Variants in PRPF8 observed in about 807,000 individuals in gnomAD.
PRPF8 encodes pre-mRNA-processing-splicing factor 8.
Under a neutral mutation model 285.9 loss-of-function variants are expected in PRPF8, and 64 were observed. The observed-to-expected ratio is 0.22, with a 90% CI of 0.18 to 0.28. The LOEUF is 0.28. Ranked by LOEUF, PRPF8 falls within the 10% of genes least tolerant of loss-of-function variation. PRPF8 has a pLI of 1.00. For missense variants in PRPF8, 1,426 were observed against 3,026.7 expected (o/e 0.47, Z 12.41); for synonymous variants, 1,325 against 1,118.2 (o/e 1.18, Z -3.69).
chr17:1,660,662 C>G, intron 29 of PRPF8, 36 bp downstream of exon 29: 1 of 1,614,220 alleles, frequency 6.2e-7, no homozygotes, highest in Non-Finnish European at 8.5e-7. Context: ...CAGCAACTGT[C>G]TTTAGCTTCC....
Position 1,659,482 on chromosome 17 carries a change from A to G in PRPF8, c.5013T>C (p.Tyr1671=), listed in dbSNP as rs1223882391. 7 of 1,614,080 alleles carry G rather than the reference A, an allele frequency of 4.3e-6. No homozygotes were observed. The South Asian group carries it at 7.7e-5, about 18-fold the overall frequency. The change falls in exon 32 of 43, where the codon TAT becomes TAC. Residue 1671 remains tyrosine, a synonymous_variant. Coordinates refer to ENST00000304992, the MANE Select transcript of PRPF8 (RefSeq NM_006445.4). The surrounding 1 kb of genome is among the most constrained non-coding windows in gnomAD (Gnocchi z 5.1). ...WIDIQLRWGD[Y]DSHDIERYAR... is the part of the protein sequence containing the mutation. ...CGTAGCGCTCAATGTCGTGGGAATC[A>G]TAGTCCCCCCAGCGCAACTGGATGT... is the stretch of plus-strand genomic sequence containing the variant.
chr17:1,654,799 AT>A (rs75058213), intron 37 of PRPF8: 943 of 151,534 alleles, frequency 6.2e-3, no homozygotes, highest in South Asian at 0.023. Flanking sequence ...CCTGTTTTAA[AT>A]TTTTTTTTTT....
intron 24 of PRPF8, among the ~76,000 whole-genome samples, chr17:1,668,791 G>T (rs1344579365): frequency 6.6e-6 from 1 of 152,008 alleles, no homozygotes; most frequent in African/African-American, 2.4e-5. Flanking sequence ...GAGTAGCTGG[G>T]TGATTCTGGG....
Position 1,676,844 on chromosome 17 carries a change from G to C in PRPF8, c.2181+132C>G, listed in dbSNP as rs1912625996. The stretch of plus-strand genomic sequence containing the variant: ...GCTTGAGGCCAGCCTAAGCAACATG[G>C]TGCTTCTTTTCCCTGTCTAAAAGGG... On this transcript the variant is annotated intron_variant, in intron 15 of 42. Transcript: ENST00000304992. This position sits in a 1 kb window ranked among gnomAD's most constrained non-coding sequence, Gnocchi z 6.3. 6.8e-7 allele frequency: 1 copy of C among 1,462,478 alleles called. No individual in the cohort carries two copies. The highest frequency in any genetic ancestry group is 1.4e-5 in the African/African-American group (1 of 72,038). The allele number at this position is 1,462,478 out of a possible 1,614,324, so 90.6% of individuals were successfully genotyped here.
rs766250199 is a variant in PRPF8 at position 1,679,296 on chromosome 17, C to T, written c.1404G>A (p.Lys468=). Residue 468 remains lysine, a synonymous_variant, in exon 10 of 43, where the codon AAG becomes AAA. Coordinates refer to ENST00000304992, the MANE Select transcript of PRPF8 (RefSeq NM_006445.4). The surrounding 1 kb of genome is among the most constrained non-coding windows in gnomAD (Gnocchi z 4.7). ...ALKHRPPKAQ[K]KRYLFRSFKA... is the part of the protein sequence containing the mutation. The stretch of plus-strand genomic sequence containing the variant: ...GGGCCCCTGGGGCACCTTACCTCTT[C>T]TTTTGAGCCTTAGGGGGCCGATGCT... 6.2e-7 allele frequency: 1 copy of T among 1,614,172 alleles called. No individual in the cohort carries two copies. The highest frequency in any genetic ancestry group is 1.1e-5 in the South Asian group (1 of 91,084).
At chr17:1,669,932 C>A (rs1203626403) in intron 24 of PRPF8, among the ~76,000 whole-genome samples, 1 of 152,132 alleles carries the variant, frequency 6.6e-6, no homozygotes, top group African/African-American at 2.4e-5. Flanking sequence ...TGTGGATAGG[C>A]TCCGAAATCT....
rs1912935564 is a variant in PRPF8 at position 1,681,694 on chromosome 17, G to C, written c.654-4C>G. On this transcript the variant is annotated splice_region_variant and splice_polypyrimidine_tract_variant and intron_variant, in intron 5 of 42. Transcript: ENST00000304992. ...GTAAGTGGAGCCATTTACATACCTA[G>C]GTAAAAAATGAAAGGCCCACCTCAA... 2 of 1,613,900 alleles carry C rather than the reference G, an allele frequency of 1.2e-6. No homozygotes were observed.
At chr17:1,680,566 T>C (rs967089166) in intron 8 of PRPF8, 160 bp downstream of exon 8, 3 of 739,602 alleles carry the variant, frequency 4.1e-6, no homozygotes, top group African/African-American at 3.5e-5. Flanking sequence ...ATGACATGTT[T>C]TAAAGCAAAT....
In PRPF8 at chr17:1,659,428, G is replaced by A. The variant is rs370632981; in HGVS notation, c.5067C>T (p.Thr1689=). Residue 1689 remains threonine, a synonymous_variant, in exon 32 of 43, where the codon ACC becomes ACT. Coordinates refer to ENST00000304992, the MANE Select transcript of PRPF8 (RefSeq NM_006445.4). The surrounding 1 kb of genome is among the most constrained non-coding windows in gnomAD (Gnocchi z 5.1). ...YARAKFLDYT[T]DNMSIYPSPT... Reference sequence around the variant, plus strand: ...GCGAAGGGTAGATACTCATGTTGTCGGTGGTGTAGTCCAGGAACTTGGCCC... The same window carrying A: ...GCGAAGGGTAGATACTCATGTTGTCAGTGGTGTAGTCCAGGAACTTGGCCC... 3.6e-5 allele frequency: 58 copies of A among 1,613,998 alleles called. 1 individual carries two copies. In the South Asian group the frequency reaches 5.2e-4, roughly 14 times the overall value.
At chr17:1,655,800 G>C (rs1030089750) in intron 36 of PRPF8, among the ~76,000 whole-genome samples, 1 of 149,152 alleles carries the variant, frequency 6.7e-6, no homozygotes, top group East Asian at 2.0e-4. Context: ...CTAATTTTTT[G>C]TATTTTTAGT....
intron 24 of PRPF8, among the ~76,000 whole-genome samples, chr17:1,663,310 AAAG>A (rs1277438243): frequency 2.0e-5 from 3 of 152,332 alleles, no homozygotes; most frequent in Non-Finnish European, 4.4e-5. Flanking sequence ...TTTAAAAAAA[AAAG>A]AGTAAGACGG....
At position 1,650,799 on chromosome 17, in the gene PRPF8, C is replaced by A; in HGVS notation, c.*3G>T. 1 of 1,613,806 alleles carries A rather than the reference C, an allele frequency of 6.2e-7. No individual in the cohort carries two copies. The highest frequency in any genetic ancestry group is 8.5e-7 in the Non-Finnish European group (1 of 1,179,960). ...GAGGCTGAAGCAGGAGGCAGGGAAA[C>A]GGTCAGGCATACAGGTCCTCCCGAT... On this transcript the variant is annotated 3_prime_UTR_variant, in exon 43 of 43. Transcript: ENST00000304992.
chr17:1,683,871 C>T (rs1289324149), intron 2 of PRPF8, among the ~76,000 whole-genome samples, 170 bp from the exon 3 acceptor site: 1 of 151,578 alleles, frequency 6.6e-6, no homozygotes, highest in Non-Finnish European at 1.5e-5. Flanking sequence ...CCTTTCATCA[C>T]ATTGATCACT....
At chr17:1,665,991 G>C (rs977670782) in intron 24 of PRPF8, among the ~76,000 whole-genome samples, 8 of 34,598 alleles carry the variant, frequency 2.3e-4, no homozygotes, top group African/African-American at 6.9e-4. Flanking sequence ...GTGAAACCGC[G>C]TCGTAGTAAA....
In PRPF8 at chr17:1,658,729, G is replaced by C; in HGVS notation, c.5173C>G (p.Leu1725Val). The change falls in exon 33 of 43, where the codon CTC becomes GTC. Residue 1725 changes from leucine to valine, a missense_variant. This residue lies in a region of PRPF8 where 74 missense variants were observed against 161.8 expected (regional missense o/e 0.46). Transcript: ENST00000304992. This position sits in a 1 kb window ranked among gnomAD's most constrained non-coding sequence, Gnocchi z 4.1. ...YGNWFPGSKP[L>V]IQQAMAKIMK... ...ATCTTGGCCATGGCCTGTTGTATGA[G>C]AGGCTTGCTGCCTGGGAACCAGTTT... 6.2e-7 allele frequency: 1 copy of C among 1,614,258 alleles called. No individual in the cohort carries two copies. The highest frequency in any genetic ancestry group is 8.5e-7 in the Non-Finnish European group (1 of 1,180,048).
At position 1,658,803 on chromosome 17, in the gene PRPF8, T is replaced by C; in HGVS notation, c.5139-40A>G. ...GGGTCAAGAAAAGTTAAGACGAGAA[T>C]GACAGCCCCAGAAACAAGACAAGCT... On this transcript the variant is annotated intron_variant, in intron 32 of 42. Coordinates refer to ENST00000304992, the MANE Select transcript of PRPF8 (RefSeq NM_006445.4). This position sits in a 1 kb window ranked among gnomAD's most constrained non-coding sequence, Gnocchi z 4.1. The C allele has an allele frequency of 6.4e-7, 1 of 1,568,640 alleles. No individual in the cohort carries two copies. The highest frequency in any genetic ancestry group is 8.8e-7 in the Non-Finnish European group (1 of 1,138,682).
In PRPF8 at chr17:1,682,309, A is replaced by G; in HGVS notation, c.270-16T>C. On this transcript the variant is annotated splice_polypyrimidine_tract_variant and intron_variant, in intron 3 of 42. Transcript: ENST00000304992. ...CTTTAGGGCACTGGCACATTAGAAAAAGAGAAGGCTATCAGAAATGACGAG... is the reference window on the plus strand; with the variant it reads ...CTTTAGGGCACTGGCACATTAGAAAGAGAGAAGGCTATCAGAAATGACGAG... 6.2e-7 allele frequency: 1 copy of G among 1,613,468 alleles called. No individual in the cohort carries two copies. Among genetic ancestry groups the G allele is most frequent in the Non-Finnish European group, 8.5e-7 (1 of 1,179,468 alleles).
chr17:1,665,641 A>G (rs1352601645), intron 24 of PRPF8, among the ~76,000 whole-genome samples: 6 of 151,858 alleles, frequency 4.0e-5, no homozygotes, highest in Non-Finnish European at 8.8e-5. Context: ...CAAGAGTTCA[A>G]GACCAGCCTG....
At chr17:1,672,007 A>AC (rs1195691349) in intron 24 of PRPF8, among the ~76,000 whole-genome samples, 1 of 152,028 alleles carries the variant, frequency 6.6e-6, no homozygotes, top group Admixed American at 6.6e-5. Context: ...TGACAGTGAG[A>AC]CCCTGTCTCT....
Sources: allele counts gnomAD v4.1 joint callset (sites outside exome capture counted in the v4.1 genomes callset), GRCh38; gene constraint gnomAD v4.1.1; regional missense constraint gnomAD v4.1.1; non-coding constraint Gnocchi (gnomAD v3.1); transcripts MANE v1.5; gene names NCBI Gene and HGNC (gene_info 2026-07-23, HGNC 2026-07-21).